The following RBFOX1 variants were observed in gnomAD, a reference collection of about 807,000 sequenced individuals.
RBFOX1 encodes the protein RNA binding protein fox-1 homolog 1.
RBFOX1 carries 8 observed loss-of-function variants against 57.7 expected under a neutral mutation model. The observed-to-expected ratio is 0.14, with a 90% CI of 0.08 to 0.25. The LOEUF (loss-of-function observed/expected upper bound fraction) is 0.25. Among genes scored for constraint, RBFOX1 ranks in the 10% least tolerant of loss-of-function variants. RBFOX1 has a pLI of 1.00. For missense variants in RBFOX1, 611 were observed against 548.5 expected (o/e 1.11, Z -1.14); for synonymous variants, 326 against 222.4 (o/e 1.47, Z -4.15).
intron 4 of RBFOX1, among the ~76,000 whole-genome samples, chr16:6,000,205 C>G (rs768873055): frequency 9.9e-5 from 15 of 152,126 alleles, no homozygotes; most frequent in Admixed American, 2.0e-4. Flanking sequence ...AGTACCTGGA[C>G]AAGATCCCAT....
intron 1 of RBFOX1, among the ~76,000 whole-genome samples, chr16:5,387,930 G>C (rs908590500): frequency 2.6e-5 from 4 of 152,192 alleles, no homozygotes; most frequent in African/African-American, 9.7e-5. Context: ...TCATGGGAGA[G>C]AAACTCCGTG....
intron 4 of RBFOX1, among the ~76,000 whole-genome samples, chr16:7,307,957 C>T (rs984638711): frequency 6.6e-6 from 1 of 152,204 alleles, no homozygotes; most frequent in Non-Finnish European, 1.5e-5. Flanking sequence ...CACATATCCC[C>T]AATACTTAAT....
intron 4 of RBFOX1, among the ~76,000 whole-genome samples, chr16:7,497,449 C>G (rs1225456199): frequency 6.6e-6 from 1 of 152,268 alleles, no homozygotes; most frequent in South Asian, 2.1e-4. Context: ...TCTTTGCCCC[C>G]TATAATAATT....
At chr16:7,403,930 CT>C (rs1170114696) in intron 4 of RBFOX1, among the ~76,000 whole-genome samples, 1 of 149,526 alleles carries the variant, frequency 6.7e-6, no homozygotes, top group African/African-American at 2.4e-5. Context: ...TATATATAAC[CT>C]TTTTAATTCA....
intron 3 of RBFOX1, among the ~76,000 whole-genome samples, chr16:6,731,880 C>A (rs955687505): frequency 6.6e-6 from 1 of 151,992 alleles, no homozygotes; most frequent in Admixed American, 6.5e-5. Flanking sequence ...TCCAAACAAA[C>A]AAAGTATCTG....
intron 4 of RBFOX1, among the ~76,000 whole-genome samples, chr16:7,086,394 ATTTC>A (rs2059984458): frequency 6.6e-6 from 1 of 152,100 alleles, no homozygotes; most frequent in African/African-American, 2.4e-5. Context: ...TTTAATATTA[ATTTC>A]TTCTTTATCC....
intron 4 of RBFOX1, among the ~76,000 whole-genome samples, chr16:7,432,543 A>G (rs2098690484): frequency 1.3e-5 from 2 of 152,214 alleles, no homozygotes; most frequent in Admixed American, 1.3e-4. Flanking sequence ...ATAAAGGACC[A>G]GAGAGTAACA....
chr16:5,339,473 T>TTTTTTTTG, intron 1 of RBFOX1, among the ~76,000 whole-genome samples: 1 of 64,492 alleles, frequency 1.6e-5, no homozygotes. Flanking sequence ...TTTCCGTGTT[T>TTTTTTTTG]TTTTTTTTTT....
chr16:7,638,554 T>A (rs533314179), intron 11 of RBFOX1, among the ~76,000 whole-genome samples: 2 of 152,168 alleles, frequency 1.3e-5, no homozygotes, highest in African/African-American at 4.8e-5. Context: ...CATCCCATCA[T>A]GTTTGGAGAG....
At chr16:6,887,393 C>T (rs1183587621) in intron 3 of RBFOX1, among the ~76,000 whole-genome samples, 2 of 152,038 alleles carry the variant, frequency 1.3e-5, no homozygotes, top group African/African-American at 2.4e-5. Context: ...ATTGTGATTT[C>T]AAGAAGCCGA....
At chr16:7,641,354 C>T (rs776219867) in intron 11 of RBFOX1, among the ~76,000 whole-genome samples, 2 of 152,146 alleles carry the variant, frequency 1.3e-5, no homozygotes, top group African/African-American at 2.4e-5. Context: ...AATGTAAACA[C>T]GTGCTTCAAA....
intron 4 of RBFOX1, among the ~76,000 whole-genome samples, chr16:7,465,841 C>G (rs1281194845): frequency 1.3e-5 from 2 of 152,180 alleles, no homozygotes; most frequent in African/African-American, 2.4e-5. Flanking sequence ...GCTGGAATAA[C>G]TGATGTCGAG....
At chr16:7,017,531 C>A (rs996362222) in intron 3 of RBFOX1, among the ~76,000 whole-genome samples, 1 of 152,130 alleles carries the variant, frequency 6.6e-6, no homozygotes, top group African/African-American at 2.4e-5. Flanking sequence ...TTGGAAGAAG[C>A]CAACGGAACA....
rs897587003 is a variant in RBFOX1 at position 7,372,774 on chromosome 16, A to G, written c.28-145373A>G. ...GCAATGGGAAAAGGAGAAGAGAGGG[A>G]GAAAGGGAGGGAGGAAGAGAAGGAG... On this transcript the variant is annotated intron_variant, in intron 4 of 15. Transcript: ENST00000550418. Among the ~76,000 whole-genome samples, 3 of 151,974 alleles carry G rather than the reference A, an allele frequency of 2.0e-5. No individual in the cohort carries two copies. In the East Asian group the frequency reaches 5.8e-4, roughly 30 times the overall value.
chr16:6,853,736 G>A (rs1483133195), intron 3 of RBFOX1, among the ~76,000 whole-genome samples: 1 of 152,116 alleles, frequency 6.6e-6, no homozygotes, highest in East Asian at 1.9e-4. Context: ...ATGTGATTGG[G>A]ATAATGCGCC....
At chr16:5,503,317 T>C (rs1204346701) in intron 2 of RBFOX1, among the ~76,000 whole-genome samples, 1 of 152,234 alleles carries the variant, frequency 6.6e-6, no homozygotes, top group African/African-American at 2.4e-5. Context: ...ATTTCACCAC[T>C]GTCCCCCACT....
chr16:7,697,198 A>C (rs2147879713), intron 14 of RBFOX1, among the ~76,000 whole-genome samples: 1 of 152,256 alleles, frequency 6.6e-6, no homozygotes, highest in African/African-American at 2.4e-5. Context: ...GAGGGGTGAC[A>C]ATGGCTTGGG....
At chr16:7,007,451 C>T (rs148646942) in intron 3 of RBFOX1, among the ~76,000 whole-genome samples, 8 of 152,268 alleles carry the variant, frequency 5.3e-5, no homozygotes, top group Non-Finnish European at 8.8e-5. Context: ...TTTTTAGGTG[C>T]ATACTTTTGA....
At chr16:7,607,045 T>G (rs2141251896) in intron 9 of RBFOX1, among the ~76,000 whole-genome samples, 1 of 152,344 alleles carries the variant, frequency 6.6e-6, no homozygotes, top group South Asian at 2.1e-4. Flanking sequence ...AAGGGTTCAC[T>G]TGTGGCTGGT....
Sources: gnomAD v4.1 joint callset for allele counts (sites outside exome capture counted in the v4.1 genomes callset) on GRCh38, gnomAD v4.1.1 for gene constraint, MANE v1.5 for transcripts, NCBI Gene and HGNC (gene_info 2026-07-23, HGNC 2026-07-21) for gene names.